Variants in AKR1B1 observed in about 807,000 individuals in gnomAD.
The protein encoded by AKR1B1 is aldo-keto reductase family 1 member B.
Under a neutral mutation model 40.4 loss-of-function variants are expected in AKR1B1, and 22 were observed. The observed-to-expected ratio is 0.54, with a 90% CI of 0.39 to 0.78. The LOEUF (loss-of-function observed/expected upper bound fraction) is 0.78, where lower values mean the gene tolerates loss of function less well. AKR1B1 is among the 30% of genes least tolerant of loss of function. The probability of loss-of-function intolerance (pLI) is 0.00; values close to 1 mark genes in which losing one functional copy is unlikely to be tolerated. For synonymous variants in AKR1B1, 157 were observed against 149.9 expected (o/e 1.05, Z -0.35); for missense variants, 357 against 396.7 (o/e 0.90, Z 0.85).
At chr7:134,442,813 AT>A in intron 9 of AKR1B1, 43 bp from the exon 10 acceptor site, 1 of 1,579,770 alleles carries the variant, frequency 6.3e-7, no homozygotes, top group Non-Finnish European at 8.7e-7. Context: ...TGAAGAGGTG[AT>A]TTTGACTATA....
chr7:134,451,307 C>G (rs1032658353), intron 2 of AKR1B1: 1 of 552,802 alleles, frequency 1.8e-6, no homozygotes, highest in Non-Finnish European at 3.3e-6. Flanking sequence ...CAAGTTCCAT[C>G]CTTGAAAGCG....
chr7:134,450,423 C>T (rs769266368), intron 3 of AKR1B1, among the ~76,000 whole-genome samples: 15 of 152,146 alleles, frequency 9.9e-5, no homozygotes, highest in African/African-American at 2.4e-4. Context: ...GGTGTGTGCA[C>T]GTGCCTGGAG....
At chr7:134,452,196 T>C (rs1280094459) in intron 1 of AKR1B1, among the ~76,000 whole-genome samples, 3 of 152,176 alleles carry the variant, frequency 2.0e-5, no homozygotes, top group African/African-American at 7.2e-5. Context: ...GTTCAGCCAG[T>C]GAATGCCTGC....
Position 134,447,041 on chromosome 7 carries a change from G to A in AKR1B1, c.825+257C>T, listed in dbSNP as rs1386758623. Among the ~76,000 whole-genome samples the A allele has an allele frequency of 2.6e-5, 4 of 152,336 alleles. No homozygotes were observed. The East Asian group carries it at 7.7e-4, about 29-fold the overall frequency. The stretch of plus-strand genomic sequence containing the variant: ...GAGATTCTCCCCGGGTAACCTCTCG[G>A]TGTGGCTGAAGGGCCTGAGCAAAGG... On this transcript the variant is annotated intron_variant, in intron 8 of 9. Transcript: ENST00000285930.
Position 134,452,837 on chromosome 7 carries a change from A to G in AKR1B1, c.67-1084T>C, listed in dbSNP as rs147880302. 2.0e-4 allele frequency among the ~76,000 whole-genome samples: 31 copies of G among 152,306 alleles called. 1 individual carries two copies. Among genetic ancestry groups the G allele is most frequent in the African/African-American group, 6.5e-4 (27 of 41,560 alleles). On this transcript the variant is annotated intron_variant, in intron 1 of 9. Transcript: ENST00000285930. ...GGGAAGAAAGGGGCCCAGTTGAACA[A>G]GCCCGTTACCAGAGCCTGTTAGCAT...
chr7:134,448,969 A>T (rs371330503), intron 5 of AKR1B1, 28 bp downstream of exon 5: 9 of 1,613,884 alleles, frequency 5.6e-6, no homozygotes, highest in Non-Finnish European at 6.8e-6. Context: ...GCAACGTTGC[A>T]ATGCCAGTGT....
chr7:134,451,051 T>C, intron 2 of AKR1B1, 149 bp from the exon 3 acceptor site: 1 of 719,176 alleles, frequency 1.4e-6, no homozygotes, highest in Non-Finnish European at 2.5e-6. Flanking sequence ...GCGTACTGGA[T>C]CCTAACTTTC....
chr7:134,451,428 C>G (rs1424084672), intron 2 of AKR1B1, 158 bp downstream of exon 2: 14 of 886,040 alleles, frequency 1.6e-5, no homozygotes, highest in Admixed American at 4.0e-5. Context: ...GATGGGCGAG[C>G]TCTGGAGCCC....
chr7:134,456,800 G>A lies in AKR1B1; in HGVS notation c.66+2197C>T, dbSNP rs543515397. Reference sequence around the variant, plus strand: ...AGCAGACATTATCCAATTTCTCAATGAACTCTGTCTACTGGAATGCATAAC... The same window carrying A: ...AGCAGACATTATCCAATTTCTCAATAAACTCTGTCTACTGGAATGCATAAC... On this transcript the variant is annotated intron_variant, in intron 1 of 9. Transcript: ENST00000285930. Among the ~76,000 whole-genome samples the A allele has an allele frequency of 4.6e-5, 7 of 152,278 alleles. No homozygotes were observed. The South Asian group carries it at 1.5e-3, about 32-fold the overall frequency.
chr7:134,444,064 G>A (rs115931347), intron 9 of AKR1B1, among the ~76,000 whole-genome samples: 156 of 152,312 alleles, frequency 1.0e-3, no homozygotes, highest in African/African-American at 3.5e-3. Flanking sequence ...AATCCACTCT[G>A]TCTCAAGTGG....
At position 134,449,617 on chromosome 7, in the gene AKR1B1, G is replaced by A. The variant is rs1037619570; in HGVS notation, c.429+103C>T. The stretch of plus-strand genomic sequence containing the variant: ...AAAAAAAAGAGAGAGCAAACAACAG[G>A]GACAGAATAACAAAATGCAATGTGA... On this transcript the variant is annotated intron_variant, in intron 4 of 9. Coordinates refer to ENST00000285930, the MANE Select transcript of AKR1B1 (RefSeq NM_001628.4). The A allele has an allele frequency of 1.9e-5, 19 of 990,342 alleles. No individual in the cohort carries two copies. In the Admixed American group the frequency reaches 2.2e-4, roughly 12 times the overall value. 61.3% of individuals were successfully genotyped at this position (990,342 alleles called of 1,614,324 possible). A position where few individuals can be genotyped will look rare whatever the true frequency, so the allele number is the denominator to read the frequency against.
At chr7:134,447,622 G>A (rs1487897157) in intron 7 of AKR1B1, 1 of 629,398 alleles carries the variant, frequency 1.6e-6, no homozygotes, top group African/African-American at 1.8e-5. Flanking sequence ...GGCATATCAT[G>A]AGACCACATG....
chr7:134,446,560 G>A (rs1180857104), intron 8 of AKR1B1, among the ~76,000 whole-genome samples: 1 of 144,234 alleles, frequency 6.9e-6, no homozygotes, highest in Non-Finnish European at 1.5e-5. Context: ...GGACTCCCCT[G>A]AGCTGCTCTC....
chr7:134,459,072 G>C lies in AKR1B1; in HGVS notation c.-10C>G, dbSNP rs369021162. On this transcript the variant is annotated 5_prime_UTR_variant, in exon 1 of 10. Coordinates refer to ENST00000285930, the MANE Select transcript of AKR1B1 (RefSeq NM_001628.4). ...GGAGACGGCTTGCCATGGCTGCTGC[G>C]CTCCCCAGACCCCCGCCCAGTACGG... 3.1e-6 allele frequency: 5 copies of C among 1,599,658 alleles called. No individual in the cohort carries two copies. The highest frequency in any genetic ancestry group is 1.3e-5 in the African/African-American group (1 of 74,642).
intron 9 of AKR1B1, chr7:134,444,979 G>A: frequency 1.7e-6 from 1 of 579,164 alleles, no homozygotes; most frequent in Non-Finnish European, 3.1e-6. Flanking sequence ...TGAATGGAAA[G>A]CCAAAATATG....
Position 134,449,000 on chromosome 7 carries a change from G to C in AKR1B1, c.549C>G (p.Asn183Lys), listed in dbSNP as rs765608056. ...AGTGTCGTTGGGGGATGTTTACCTG[G>C]TTAACTGCAGGCTTATACTTCAAGC... ...KPGLKYKPAV[N>K]QIECHPYLTQ... is the part of the protein sequence containing the mutation. Residue 183 changes from asparagine to lysine, a missense_variant, in exon 5 of 10, where the codon AAC becomes AAG. Coordinates refer to ENST00000285930, the MANE Select transcript of AKR1B1 (RefSeq NM_001628.4). 8 of 1,613,966 alleles carry C rather than the reference G, an allele frequency of 5.0e-6. No homozygotes were observed. The highest frequency in any genetic ancestry group is 2.7e-5 in the African/African-American group (2 of 74,884).
At position 134,450,823 on chromosome 7, in the gene AKR1B1, A is replaced by C; in HGVS notation, c.314T>G (p.Leu105Arg). Residue 105 changes from leucine to arginine, a missense_variant, in exon 3 of 10, where the codon CTG becomes CGG. By Grantham distance (102) the Leu-to-Arg change is moderately radical. Transcript: ENST00000285930. ...KTLSDLKLDYLDLYLIHWPTG... is the reference protein window; with the variant it reads ...KTLSDLKLDYRDLYLIHWPTG... ...CGGCCAGTGAATAAGGTAGAGGTCCAGGTAGTCCAGCTTCAGGTCGCTGAG... is the reference window on the plus strand; with the variant it reads ...CGGCCAGTGAATAAGGTAGAGGTCCCGGTAGTCCAGCTTCAGGTCGCTGAG... 3.7e-6 allele frequency: 6 copies of C among 1,614,192 alleles called. No homozygotes were observed. The highest frequency in any genetic ancestry group is 5.1e-6 in the Non-Finnish European group (6 of 1,180,026).
intron 3 of AKR1B1, 80 bp from the exon 4 acceptor site, chr7:134,449,877 A>G (rs960411649): frequency 8.4e-7 from 1 of 1,194,344 alleles, no homozygotes; most frequent in African/African-American, 1.5e-5. Flanking sequence ...GCTGGCATCT[A>G]AAACAATTCT....
intron 8 of AKR1B1, among the ~76,000 whole-genome samples, chr7:134,446,903 T>A (rs1806115028): frequency 6.6e-6 from 1 of 152,236 alleles, no homozygotes; most frequent in African/African-American, 2.4e-5. Context: ...GATATTATTT[T>A]ATAGATAGGG....
Sources: allele counts gnomAD v4.1 joint callset (sites outside exome capture counted in the v4.1 genomes callset), GRCh38; gene constraint gnomAD v4.1.1; transcripts MANE v1.5; gene names NCBI Gene and HGNC (gene_info 2026-07-23, HGNC 2026-07-21).